The following PHACTR2 variants were observed in gnomAD, a reference collection of about 807,000 sequenced individuals.
The protein encoded by PHACTR2 is chromosome 6 open reading frame 56.
In PHACTR2, 30 loss-of-function variants were observed where a neutral mutation model predicts 76.0. The ratio of observed to expected loss-of-function variants is 0.39; its 90% CI spans 0.30 to 0.54. The LOEUF (loss-of-function observed/expected upper bound fraction) is 0.54. PHACTR2 is among the 20% of genes least tolerant of loss of function. The pLI is 0.61. For synonymous variants in PHACTR2, 292 were observed against 292.5 expected (o/e 1.00, Z 0.02); for missense variants, 696 against 781.1 (o/e 0.89, Z 1.30).
chr6:143,658,230 C>T lies in PHACTR2; in HGVS notation c.13+49908C>T, dbSNP rs1289734457. ...ACTGCCAGACTAACCTGAGCTTCAA[C>T]AACAAATGTGATTTTAAAATAAATT... On this transcript the variant is annotated intron_variant, in intron 1 of 11. Transcript: ENST00000305766. This position sits in a 1 kb window ranked among gnomAD's most constrained non-coding sequence, Gnocchi z 4.1. Among the ~76,000 whole-genome samples, 1 of 152,154 alleles carries T rather than the reference C, an allele frequency of 6.6e-6. No homozygotes were observed. The highest frequency in any genetic ancestry group is 1.5e-5 in the Non-Finnish European group (1 of 68,008).
intron 1 of PHACTR2, among the ~76,000 whole-genome samples, chr6:143,655,990 C>A (rs1329955612): frequency 3.3e-5 from 5 of 152,050 alleles, no homozygotes; most frequent in Non-Finnish European, 5.9e-5. Flanking sequence ...CTATCAAGAT[C>A]AAAAAAGAGT....
At position 143,819,592 on chromosome 6, in the gene PHACTR2, G is replaced by A. The variant is rs1323989428; in HGVS notation, c.1923-4082G>A. On this transcript the variant is annotated intron_variant, in intron 12 of 12. Transcript: ENST00000440869. This position sits in a 1 kb window ranked among gnomAD's most constrained non-coding sequence, Gnocchi z 5.0. ...GCCTGAGAGCTCGAGGCAGTGGGGAGTACTGGTGTAAGTTCTGGAGTACAA... is the reference window on the plus strand; with the variant it reads ...GCCTGAGAGCTCGAGGCAGTGGGGAATACTGGTGTAAGTTCTGGAGTACAA... 1.3e-5 allele frequency among the ~76,000 whole-genome samples: 2 copies of A among 152,198 alleles called. No individual in the cohort carries two copies. Among genetic ancestry groups the A allele is most frequent in the African/African-American group, 4.8e-5 (2 of 41,448 alleles).
At chr6:143,579,191 A>C (rs1031015602) in intron 1 of PHACTR2, among the ~76,000 whole-genome samples, 7 of 152,236 alleles carry the variant, frequency 4.6e-5, no homozygotes, top group African/African-American at 7.2e-5. Flanking sequence ...GGCATGAGCC[A>C]CTGTGACCTG....
intron 1 of PHACTR2, among the ~76,000 whole-genome samples, chr6:143,600,946 A>T (rs1179646836): frequency 6.6e-6 from 1 of 152,248 alleles, no homozygotes; most frequent in Non-Finnish European, 1.5e-5. Context: ...TGAAGAGATG[A>T]CACATGAACA....
At chr6:143,711,777 T>C (rs1778180527) in intron 1 of PHACTR2, 3 of 690,622 alleles carry the variant, frequency 4.3e-6, no homozygotes, top group Non-Finnish European at 8.1e-6. Flanking sequence ...ATCTATAATG[T>C]AAGTCTCTTG....
rs749388968 is a variant in PHACTR2 at position 143,772,361 on chromosome 6, C to T, written c.1336C>T (p.His446Tyr). 1 of 1,613,854 alleles carries T rather than the reference C, an allele frequency of 6.2e-7. No homozygotes were observed. The highest frequency in any genetic ancestry group is 2.2e-5 in the East Asian group (1 of 44,886). Residue 446 changes from histidine (H) to tyrosine (Y), a missense_variant, in exon 7 of 13, where the codon CAC (histidine) becomes TAC (tyrosine). His to Tyr is a moderately conservative substitution (Grantham distance 83). Transcript: ENST00000440869. This position sits in a 1 kb window ranked among gnomAD's most constrained non-coding sequence, Gnocchi z 5.4. Reference protein sequence around the residue: ...ESFSASEDEGHREYQANDSDS... With the variant: ...ESFSASEDEGYREYQANDSDS... ...CTTTAGTGCCTCAGAAGATGAAGGCCACAGGGAATACCAAGCCAATGACTC... is the reference window on the plus strand; with the variant it reads ...CTTTAGTGCCTCAGAAGATGAAGGCTACAGGGAATACCAAGCCAATGACTC...
In PHACTR2 at chr6:143,684,689, G is replaced by T. The variant is rs1018124318; in HGVS notation, c.46+6480G>T. On this transcript the variant is annotated intron_variant, in intron 1 of 12. Transcript: ENST00000440869. The surrounding 1 kb of genome is among the most constrained non-coding windows in gnomAD (Gnocchi z 4.3). ...AGGGTCACTCTTAGCCCATAGCCTCGTGAGAATTAGAAGTCACTTCCTCTG... is the reference window on the plus strand; with the variant it reads ...AGGGTCACTCTTAGCCCATAGCCTCTTGAGAATTAGAAGTCACTTCCTCTG... Among the ~76,000 whole-genome samples, 2 of 152,186 alleles carry T rather than the reference G, an allele frequency of 1.3e-5. No individual in the cohort carries two copies. Among genetic ancestry groups the T allele is most frequent in the Admixed American group, 6.5e-5 (1 of 15,274 alleles).
chr6:143,776,527 G>A lies in PHACTR2; in HGVS notation c.1590-801G>A, dbSNP rs1465233063. On this transcript the variant is annotated intron_variant, in intron 8 of 12. Transcript: ENST00000440869. This position sits in a 1 kb window ranked among gnomAD's most constrained non-coding sequence, Gnocchi z 5.3. ...CTTAACTATTCACAGGCAGAAGTCC[G>A]TAGTCAGGTACCTAGCTAACATCCA... 1.3e-5 allele frequency among the ~76,000 whole-genome samples: 2 copies of A among 152,208 alleles called. No individual in the cohort carries two copies. Among genetic ancestry groups the A allele is most frequent in the Admixed American group, 6.5e-5 (1 of 15,284 alleles).
chr6:143,650,666 T>C (rs1776746158), intron 1 of PHACTR2, among the ~76,000 whole-genome samples: 1 of 152,126 alleles, frequency 6.6e-6, no homozygotes, highest in African/African-American at 2.4e-5. Context: ...CCTTACATCT[T>C]ATAGAAAAAT....
chr6:143,655,157 CAAAAAA>C (rs151076366), intron 1 of PHACTR2, among the ~76,000 whole-genome samples: 1 of 99,104 alleles, frequency 1.0e-5, no homozygotes, highest in East Asian at 2.8e-4. Context: ...AACTCCGTCT[CAAAAAA>C]AAAAAAAAAA....
rs539431765 is a variant in PHACTR2 at position 143,772,062 on chromosome 6, G to C, written c.1233-196G>C. ...TAAATGTATCAGATACCAAGCGTTTGCATTTTACAGATGAAAAATGTAAAA... is the reference window on the plus strand; with the variant it reads ...TAAATGTATCAGATACCAAGCGTTTCCATTTTACAGATGAAAAATGTAAAA... On this transcript the variant is annotated intron_variant, in intron 6 of 12. Coordinates refer to ENST00000440869, the MANE Select transcript of PHACTR2 (RefSeq NM_001100164.2). This position sits in a 1 kb window ranked among gnomAD's most constrained non-coding sequence, Gnocchi z 5.4. Among the ~76,000 whole-genome samples, 41 of 152,284 alleles carry C rather than the reference G, an allele frequency of 2.7e-4. No homozygotes were observed. Among genetic ancestry groups the C allele is most frequent in the African/African-American group, 9.6e-4 (40 of 41,556 alleles).
rs537579062 is a variant in PHACTR2, at chr6:143,546,396, T to G, written c.217+9189T>G. On this transcript the variant is annotated intron_variant, in intron 1 of 11. Transcript: ENST00000367584. This position sits in a 1 kb window ranked among gnomAD's most constrained non-coding sequence, Gnocchi z 4.9. ...AACATGTTATCTCTCTCTAGAACTT[T>G]GGACTGTGGCTAGGGCAAGAATGTC... Among the ~76,000 whole-genome samples the G allele has an allele frequency of 6.6e-6, 1 of 152,206 alleles. No individual in the cohort carries two copies. Among genetic ancestry groups the G allele is most frequent in the African/African-American group, 2.4e-5 (1 of 41,540 alleles).
chr6:143,582,560 T>C (rs917580231), intron 1 of PHACTR2, among the ~76,000 whole-genome samples: 1 of 151,994 alleles, frequency 6.6e-6, no homozygotes, highest in Non-Finnish European at 1.5e-5. Context: ...GATATTCAAA[T>C]AGTGTCATTT....
chr6:143,779,511 G>A (rs555424056), intron 9 of PHACTR2, among the ~76,000 whole-genome samples: 44 of 152,072 alleles, frequency 2.9e-4, no homozygotes, highest in Non-Finnish European at 4.4e-5. Flanking sequence ...CACCATGCCT[G>A]GCTAATTTTT....
intron 5 of PHACTR2, among the ~76,000 whole-genome samples, chr6:143,762,273 GCTTGGACTCT>G (rs1779460245): frequency 6.6e-6 from 1 of 152,146 alleles, no homozygotes; most frequent in Non-Finnish European, 1.5e-5. Context: ...TCTGAACTCA[GCTTGGACTCT>G]CTTTACTTCC....
chr6:143,748,916 C>T, intron 2 of PHACTR2, 69 bp from the exon 3 acceptor site: 1 of 826,794 alleles, frequency 1.2e-6, no homozygotes, highest in Non-Finnish European at 2.0e-6. Context: ...CTCAATTCTA[C>T]TTGGAATGTT....
At position 143,782,826 on chromosome 6, in the gene PHACTR2, C is replaced by T. The variant is rs550318603; in HGVS notation, c.1646-393C>T. Among the ~76,000 whole-genome samples the T allele has an allele frequency of 8.5e-5, 13 of 152,192 alleles. No homozygotes were observed. The South Asian group carries it at 2.5e-3, about 29-fold the overall frequency. ...CAGATTTTCACACGAAGGCCAGATC[C>T]AGAAGTAAATTTTTATCTGAATTCT... is the stretch of plus-strand genomic sequence containing the variant. On this transcript the variant is annotated intron_variant, in intron 9 of 12. Coordinates refer to ENST00000440869, the MANE Select transcript of PHACTR2 (RefSeq NM_001100164.2). The surrounding 1 kb of genome is among the most constrained non-coding windows in gnomAD (Gnocchi z 4.6).
intron 1 of PHACTR2, among the ~76,000 whole-genome samples, chr6:143,620,183 G>T (rs1394756183): frequency 6.6e-6 from 1 of 152,184 alleles, no homozygotes; most frequent in Non-Finnish European, 1.5e-5. Context: ...TTAGAATAAA[G>T]CTCCAGCTTT....
At chr6:143,574,614 G>A (rs1484211772) in intron 1 of PHACTR2, among the ~76,000 whole-genome samples, 2 of 150,904 alleles carry the variant, frequency 1.3e-5, no homozygotes, top group African/African-American at 4.9e-5. Flanking sequence ...AGGTTGAATC[G>A]TTTTGCAAAT....
Sources: allele counts gnomAD v4.1 joint callset (sites outside exome capture counted in the v4.1 genomes callset), GRCh38; gene constraint gnomAD v4.1.1; non-coding constraint Gnocchi (gnomAD v3.1); transcripts MANE v1.5; gene names NCBI Gene and HGNC (gene_info 2026-07-23, HGNC 2026-07-21).